AGMO: variants seen among roughly 807,000 people sequenced by gnomAD.
The protein encoded by AGMO is glyceryl-ether monooxygenase.
Under a neutral mutation model 60.2 loss-of-function variants are expected in AGMO, and 75 were observed. The ratio of observed to expected loss-of-function variants is 1.25; its 90% CI spans 1.03 to 1.51. The LOEUF (loss-of-function observed/expected upper bound fraction) is 1.51, where lower values mean the gene tolerates loss of function less well. AGMO is among the 40% of genes most tolerant of loss of function. The pLI is 0.00. For missense variants in AGMO, 763 were observed against 525.5 expected (o/e 1.45, Z -4.42); for synonymous variants, 261 against 177.1 (o/e 1.47, Z -3.76).
At chr7:15,219,153 G>A (rs1781838525) in intron 12 of AGMO, among the ~76,000 whole-genome samples, 1 of 152,008 alleles carries the variant, frequency 6.6e-6, no homozygotes, top group Admixed American at 6.6e-5. Context: ...ACTTATTCAG[G>A]AAATAATTAT....
At chr7:15,346,624 A>AC (rs1363728388) in intron 12 of AGMO, among the ~76,000 whole-genome samples, 3 of 151,532 alleles carry the variant, frequency 2.0e-5, no homozygotes, top group Non-Finnish European at 4.4e-5. Context: ...AAGTAAAAAA[A>AC]AAAAATACCA....
At chr7:15,174,265 TA>T in the AGMO span, among the ~76,000 whole-genome samples, 3 of 152,192 alleles carry the variant, frequency 2.0e-5, 1 homozygote, top group Admixed American at 2.0e-4. Flanking sequence ...CACAGATATG[TA>T]AATACATAAA....
chr7:15,503,794 T>C (rs917893078), intron 3 of AGMO, among the ~76,000 whole-genome samples: 2 of 152,032 alleles, frequency 1.3e-5, no homozygotes, highest in Non-Finnish European at 2.9e-5. Flanking sequence ...GCAAGGAACA[T>C]AAGCATTTAC....
Position 15,289,488 on chromosome 7 carries a change from C to T in AGMO, c.1263+76026G>A. Reference sequence around the variant, plus strand: ...TATTACAATAATGACTCTGGTTTAGCCATTTCTTAGGTAATACATGCTTTG... The same window carrying T: ...TATTACAATAATGACTCTGGTTTAGTCATTTCTTAGGTAATACATGCTTTG... On this transcript the variant is annotated intron_variant, in intron 12 of 12. Coordinates refer to ENST00000342526, the MANE Select transcript of AGMO (RefSeq NM_001004320.2). Among the ~76,000 whole-genome samples the T allele has an allele frequency of 1.3e-5, 2 of 152,034 alleles. 1 individual carries two copies. Among genetic ancestry groups the T allele is most frequent in the Non-Finnish European group, 2.9e-5 (2 of 67,976 alleles).
chr7:15,550,480 G>A (rs1217212471), intron 2 of AGMO, among the ~76,000 whole-genome samples: 1 of 151,958 alleles, frequency 6.6e-6, no homozygotes. Flanking sequence ...AATGATAAAG[G>A]GGATATCACC....
intron 12 of AGMO, among the ~76,000 whole-genome samples, chr7:15,252,757 C>A (rs57111010): frequency 6.6e-6 from 1 of 152,124 alleles, no homozygotes. Flanking sequence ...CCAGCTGGAA[C>A]TGTTGCATGG....
At chr7:15,314,772 CTT>C (rs1393044443) in intron 12 of AGMO, among the ~76,000 whole-genome samples, 1 of 151,984 alleles carries the variant, frequency 6.6e-6, no homozygotes, top group Non-Finnish European at 1.5e-5. Flanking sequence ...GCTTATGAAT[CTT>C]AAGACAAGCA....
intron 12 of AGMO, among the ~76,000 whole-genome samples, chr7:15,257,668 C>G (rs1394592942): frequency 1.3e-5 from 2 of 152,190 alleles, no homozygotes; most frequent in African/African-American, 4.8e-5. Context: ...TTACATATTA[C>G]TTATCAACAT....
intron 6 of AGMO, among the ~76,000 whole-genome samples, chr7:15,391,872 C>A (rs370999664): frequency 1.3e-5 from 2 of 152,008 alleles, no homozygotes; most frequent in Non-Finnish European, 2.9e-5. Context: ...GGGCCAGTGA[C>A]GTTGCTAAAT....
chr7:15,320,463 T>TTGATTATG (rs1781074239), intron 12 of AGMO, among the ~76,000 whole-genome samples: 1 of 152,054 alleles, frequency 6.6e-6, no homozygotes, highest in Non-Finnish European at 1.5e-5. Context: ...AGACTCTAAA[T>TTGATTATG]TGATTATGAT....
intron 10 of AGMO, among the ~76,000 whole-genome samples, chr7:15,380,199 T>C (rs1274494738): frequency 1.3e-5 from 2 of 151,872 alleles, no homozygotes; most frequent in South Asian, 2.1e-4. Context: ...AGGGCAACAA[T>C]AAGAAGAGAG....
intron 10 of AGMO, among the ~76,000 whole-genome samples, chr7:15,368,158 T>C (rs922013313): frequency 4.0e-5 from 6 of 151,714 alleles, no homozygotes; most frequent in African/African-American, 1.2e-4. Context: ...GGCACAATGA[T>C]AGGTATTAGA....
chr7:15,319,637 T>C lies in AGMO; in HGVS notation c.1263+45877A>G, dbSNP rs1003485909. Among the ~76,000 whole-genome samples, 2 of 152,170 alleles carry C rather than the reference T, an allele frequency of 1.3e-5. 1 individual carries two copies. The highest frequency in any genetic ancestry group is 6.8e-3 in the Middle Eastern group (2 of 294). ...ACGTTTTCCGAAGACTCAAACTTAT[T>C]TCCATGAATTAAACTTTAAATTTAA... On this transcript the variant is annotated intron_variant, in intron 12 of 12. Coordinates refer to ENST00000342526, the MANE Select transcript of AGMO (RefSeq NM_001004320.2).
chr7:15,411,884 G>A (rs1046595531), intron 5 of AGMO, among the ~76,000 whole-genome samples: 1 of 151,964 alleles, frequency 6.6e-6, no homozygotes, highest in Non-Finnish European at 1.5e-5. Flanking sequence ...CACATGAGTG[G>A]ATCTTGAGTA....
chr7:15,309,538 T>C (rs1780708491), intron 12 of AGMO, among the ~76,000 whole-genome samples: 1 of 152,116 alleles, frequency 6.6e-6, no homozygotes, highest in Non-Finnish European at 1.5e-5. Context: ...CCAATGTAAG[T>C]CAGGTGTTGT....
At chr7:15,307,380 T>C (rs1012794056) in intron 12 of AGMO, among the ~76,000 whole-genome samples, 4 of 152,020 alleles carry the variant, frequency 2.6e-5, no homozygotes, top group African/African-American at 7.2e-5. Context: ...TAGTTCAAAA[T>C]ATTTAATCTA....
chr7:15,161,301 A>G, the AGMO span, among the ~76,000 whole-genome samples: 1 of 152,184 alleles, frequency 6.6e-6, no homozygotes, highest in Non-Finnish European at 1.5e-5. Context: ...TTGCAAGAAA[A>G]AAGACAAATG....
chr7:15,550,276 C>T (rs1173786533), intron 2 of AGMO, among the ~76,000 whole-genome samples: 2 of 151,666 alleles, frequency 1.3e-5, no homozygotes, highest in East Asian at 3.9e-4. Flanking sequence ...CAAGAGCAAA[C>T]ACATTCAAAA....
chr7:15,407,110 A>C (rs1463607357), intron 5 of AGMO, among the ~76,000 whole-genome samples: 2 of 146,508 alleles, frequency 1.4e-5, no homozygotes, highest in Non-Finnish European at 3.0e-5. Context: ...ATATGTGTGC[A>C]TATGTACACA....
Sources: allele counts gnomAD v4.1 joint callset (sites outside exome capture counted in the v4.1 genomes callset), GRCh38; gene constraint gnomAD v4.1.1; transcripts MANE v1.5; gene names NCBI Gene and HGNC (gene_info 2026-07-23, HGNC 2026-07-21).